The following ACOT7 variants were observed in gnomAD, a reference collection of about 807,000 sequenced individuals.
ACOT7 encodes the protein cytosolic acyl coenzyme A thioester hydrolase.
In ACOT7, 12 loss-of-function variants were observed where a neutral mutation model predicts 40.2. That is an observed-to-expected ratio of 0.30 (90% confidence interval 0.19 to 0.48). The LOEUF is 0.48. ACOT7 is among the 20% of genes least tolerant of loss of function. The pLI, the probability that ACOT7 is intolerant of heterozygous loss-of-function variation, is 0.99. For missense variants in ACOT7, 395 were observed against 530.8 expected, an observed-to-expected ratio of 0.74 and a Z score of 2.51; for synonymous variants, 228 against 219.5, an observed-to-expected ratio of 1.04 and a Z score of -0.34.
intron 7 of ACOT7, among the ~76,000 whole-genome samples, chr1:6,291,832 C>T (rs937105787): frequency 6.6e-6 from 1 of 152,198 alleles, no homozygotes; most frequent in Non-Finnish European, 1.5e-5. Flanking sequence ...CACACCCACC[C>T]AGTGTCACCC....
At chr1:6,316,285 C>A (rs1260876488) in intron 6 of ACOT7, among the ~76,000 whole-genome samples, 1 of 152,046 alleles carries the variant, frequency 6.6e-6, no homozygotes, top group Non-Finnish European at 1.5e-5. Flanking sequence ...GACATGGGGG[C>A]AGTAAGGAAG....
chr1:6,327,258 G>A lies in ACOT7; in HGVS notation c.625+41C>T, dbSNP rs370114132. 7.9e-5 allele frequency: 126 copies of A among 1,598,554 alleles called. 1 individual carries two copies. The highest frequency in any genetic ancestry group is 6.7e-4 in the Middle Eastern group (4 of 5,996). On this transcript the variant is annotated intron_variant, in intron 5 of 8. Coordinates refer to ENST00000361521, the MANE Select transcript of ACOT7 (RefSeq NM_007274.4). ...CTGCTCCTGCCTCCTATGCGTCCCCGGTGAGGAGTGGCACCTGCTGCTGGT... is the reference window on the plus strand; with the variant it reads ...CTGCTCCTGCCTCCTATGCGTCCCCAGTGAGGAGTGGCACCTGCTGCTGGT...
chr1:6,319,761 A>G (rs1640592451), intron 5 of ACOT7, among the ~76,000 whole-genome samples: 2 of 152,212 alleles, frequency 1.3e-5, no homozygotes, highest in South Asian at 4.1e-4. Flanking sequence ...TCCAGAGCAG[A>G]TGGGGTCCTG....
At chr1:6,312,148 G>A (rs79572262) in intron 6 of ACOT7, among the ~76,000 whole-genome samples, 125 of 152,272 alleles carry the variant, frequency 8.2e-4, no homozygotes, top group African/African-American at 2.8e-3. Flanking sequence ...GCTGGTGGCC[G>A]GGGAAGGAGC....
chr1:6,338,000 CAAAAAAAAAAA>C (rs769360339), intron 3 of ACOT7, among the ~76,000 whole-genome samples: 1 of 71,814 alleles, frequency 1.4e-5, no homozygotes, highest in Non-Finnish European at 3.2e-5. Context: ...GACACCATCT[CAAAAAAAAAAA>C]AAAAAAAAAA....
chr1:6,373,516 G>A (rs1642172532), intron 1 of ACOT7, among the ~76,000 whole-genome samples: 1 of 151,920 alleles, frequency 6.6e-6, no homozygotes, highest in African/African-American at 2.4e-5. Context: ...CTCCCAAAGT[G>A]CTGAGATTAC....
At chr1:6,300,168 GCT>G (rs1639927514) in intron 6 of ACOT7, among the ~76,000 whole-genome samples, 1 of 152,174 alleles carries the variant, frequency 6.6e-6, no homozygotes, top group South Asian at 2.1e-4. Flanking sequence ...CCATCCAGCA[GCT>G]AGTCAGGGTC....
intron 2 of ACOT7, 141 bp downstream of exon 2, chr1:6,349,608 T>C (rs1641529731): frequency 1.2e-6 from 1 of 830,082 alleles, no homozygotes; most frequent in Admixed American, 2.4e-5. Context: ...CAGAAATACT[T>C]GGGCCACTTC....
At chr1:6,366,576 G>A (rs910459983) in intron 1 of ACOT7, among the ~76,000 whole-genome samples, 5 of 149,712 alleles carry the variant, frequency 3.3e-5, no homozygotes, top group Non-Finnish European at 7.4e-5. Flanking sequence ...GACAGAGTGG[G>A]AGCCTATCTC....
At chr1:6,319,439 C>T (rs1640584051) in intron 5 of ACOT7, among the ~76,000 whole-genome samples, 2 of 152,280 alleles carry the variant, frequency 1.3e-5, no homozygotes, top group Non-Finnish European at 2.9e-5. Context: ...GTGATCCACC[C>T]GCCTCAGCCT....
intron 4 of ACOT7, among the ~76,000 whole-genome samples, chr1:6,329,932 G>A (rs944027181): frequency 6.6e-6 from 1 of 152,140 alleles, no homozygotes; most frequent in Non-Finnish European, 1.5e-5. Flanking sequence ...CCTGCTCACT[G>A]GGAAAGCTGC....
At chr1:6,309,606 C>A (rs1300588018) in intron 6 of ACOT7, among the ~76,000 whole-genome samples, 5 of 152,336 alleles carry the variant, frequency 3.3e-5, no homozygotes, top group African/African-American at 1.2e-4. Context: ...TTATCTTCTA[C>A]ATAATCATAA....
At chr1:6,268,145 A>C (rs907756861) in intron 8 of ACOT7, among the ~76,000 whole-genome samples, 1 of 152,186 alleles carries the variant, frequency 6.6e-6, no homozygotes, top group African/African-American at 2.4e-5. Context: ...AGGTTTTGAA[A>C]TAGACTGTGG....
In ACOT7 at chr1:6,391,394, T is replaced by C. The variant is rs141477861; in HGVS notation, c.143+1863A>G. 2.7e-3 allele frequency among the ~76,000 whole-genome samples: 410 copies of C among 152,010 alleles called. 1 individual carries two copies. The highest frequency in any genetic ancestry group is 4.6e-3 in the Admixed American group (71 of 15,278). On this transcript the variant is annotated intron_variant, in intron 1 of 8. Coordinates refer to ENST00000361521, the MANE Select transcript of ACOT7 (RefSeq NM_007274.4). Reference sequence around the variant, plus strand: ...GGTGGCGCACTCTTGTAGTCCCAGCTACTCGGGAGGCTGAGGCCCAAGAAT... The same window carrying C: ...GGTGGCGCACTCTTGTAGTCCCAGCCACTCGGGAGGCTGAGGCCCAAGAAT...
chr1:6,279,940 G>A (rs1004751611), intron 8 of ACOT7, among the ~76,000 whole-genome samples: 2 of 152,200 alleles, frequency 1.3e-5, no homozygotes, highest in Admixed American at 1.3e-4. Flanking sequence ...CCGTGCTCCA[G>A]GCTCTGAGAG....
chr1:6,325,790 A>G (rs562158956), intron 5 of ACOT7, among the ~76,000 whole-genome samples: 2 of 152,260 alleles, frequency 1.3e-5, no homozygotes, highest in Admixed American at 6.5e-5. Flanking sequence ...CTGGGTTTTC[A>G]CCAGTCCCCT....
intron 8 of ACOT7, among the ~76,000 whole-genome samples, chr1:6,272,382 TC>T (rs1571257815): frequency 6.6e-6 from 1 of 152,294 alleles, no homozygotes; most frequent in East Asian, 1.9e-4. Context: ...CCCAATCAAT[TC>T]CAGGGGGCTC....
intron 1 of ACOT7, among the ~76,000 whole-genome samples, chr1:6,357,721 C>T (rs186303774): frequency 5.9e-5 from 9 of 152,180 alleles, no homozygotes; most frequent in Non-Finnish European, 7.4e-5. Flanking sequence ...GCATGGGGGG[C>T]GGGGGCCTCA....
At chr1:6,337,430 G>A (rs1429827495) in intron 3 of ACOT7, among the ~76,000 whole-genome samples, 1 of 152,256 alleles carries the variant, frequency 6.6e-6, no homozygotes, top group Non-Finnish European at 1.5e-5. Context: ...CAGCACTGAT[G>A]CCCAGTTCTT....
Sources: gnomAD v4.1 joint callset for allele counts (sites outside exome capture counted in the v4.1 genomes callset) on GRCh38, gnomAD v4.1.1 for gene constraint, MANE v1.5 for transcripts, NCBI Gene and HGNC (gene_info 2026-07-23, HGNC 2026-07-21) for gene names.